Variants in SLCO1B3 observed in about 807,000 individuals in gnomAD.
The protein encoded by SLCO1B3 is solute carrier organic anion transporter family member 1B3.
A neutral mutation model predicts 71.8 loss-of-function variants in SLCO1B3; 72 were observed. That is an observed-to-expected ratio of 1.00 (90% CI 0.83 to 1.22). SLCO1B3 has a LOEUF of 1.22. Ranked by LOEUF, SLCO1B3 falls within the 50% of genes most tolerant of loss-of-function variation. The probability of loss-of-function intolerance (pLI) is 0.00; values close to 1 mark genes in which losing one functional copy is unlikely to be tolerated. For missense variants in SLCO1B3, 911 were observed against 819.7 expected, an observed-to-expected ratio of 1.11 and a Z score of -1.36; for synonymous variants, 298 against 278.4, an observed-to-expected ratio of 1.07 and a Z score of -0.70.
intron 15 of SLCO1B3, among the ~76,000 whole-genome samples, chr12:20,908,561 G>A (rs749191749): frequency 6.6e-6 from 1 of 152,126 alleles, no homozygotes; most frequent in Non-Finnish European, 1.5e-5. Context: ...GTAATCCCTG[G>A]ATCCCTAGAA....
At chr12:20,863,389 TA>T (rs1239985159) in intron 8 of SLCO1B3, among the ~76,000 whole-genome samples, 2 of 152,182 alleles carry the variant, frequency 1.3e-5, no homozygotes, top group Non-Finnish European at 2.9e-5. Flanking sequence ...GATGCATAAA[TA>T]AAATTTACGA....
intron 13 of SLCO1B3, among the ~76,000 whole-genome samples, chr12:20,891,748 A>G (rs1051405804): frequency 1.3e-5 from 2 of 151,990 alleles, no homozygotes; most frequent in Non-Finnish European, 2.9e-5. Flanking sequence ...TATTTTTCCT[A>G]CCAAGTTTAT....
chr12:20,916,523 C>T lies in SLCO1B3; in HGVS notation c.*276C>T, dbSNP rs537823550. On this transcript the variant is annotated 3_prime_UTR_variant, in exon 16 of 16. Transcript: ENST00000381545. ...TTGTAACTGCTAATAAAACCAGTGA[C>T]TAGAATATAAGGGAGGTAAAAAGGA... 4.2e-6 allele frequency: 1 copy of T among 240,188 alleles called. No homozygotes were observed. The highest frequency in any genetic ancestry group is 2.2e-5 in the African/African-American group (1 of 44,952). 14.9% of individuals were successfully genotyped at this position (240,188 alleles called of 1,614,324 possible). A position where few individuals can be genotyped will look rare whatever the true frequency, so the allele number is the denominator to read the frequency against.
intron 3 of SLCO1B3, among the ~76,000 whole-genome samples, chr12:20,839,766 A>G (rs900152736): frequency 3.3e-5 from 5 of 151,852 alleles, no homozygotes; most frequent in East Asian, 1.9e-4. Context: ...TTCATATTCT[A>G]TTTTTGGGGT....
rs754627543 is a variant in SLCO1B3, at chr12:20,862,417, G to A, written c.487G>A (p.Val163Ile). 3.7e-6 allele frequency: 6 copies of A among 1,609,736 alleles called. No homozygotes were observed. Among genetic ancestry groups the A allele is most frequent in the Non-Finnish European group, 4.2e-6 (5 of 1,178,594 alleles). ...ACACTCTCTTGTCTCGATAGATTGT[G>A]TAAAGGAATCTGGGTCACACATGTG... ...TSPEIVEKDC[V>I]KESGSHMWIY... Residue 163 changes from valine (V) to isoleucine (I), a missense_variant, in exon 7 of 16, where the codon GTA (valine) becomes ATA (isoleucine). Transcript: ENST00000381545.
chr12:20,852,526 A>G (rs962244909), intron 3 of SLCO1B3, among the ~76,000 whole-genome samples: 2 of 152,152 alleles, frequency 1.3e-5, no homozygotes, highest in African/African-American at 4.8e-5. Flanking sequence ...AAATCTGTAG[A>G]TGAGTTTGGA....
At chr12:20,819,343 C>T (rs527931888) in intron 3 of SLCO1B3, among the ~76,000 whole-genome samples, 29 of 152,204 alleles carry the variant, frequency 1.9e-4, no homozygotes, top group Middle Eastern at 3.4e-3. Context: ...ATGAAATTTG[C>T]GCTTGACTGA....
intron 8 of SLCO1B3, among the ~76,000 whole-genome samples, chr12:20,868,742 G>T (rs542307465): frequency 6.6e-6 from 1 of 152,028 alleles, no homozygotes; most frequent in African/African-American, 2.4e-5. Context: ...CCGAATGTCT[G>T]GCTGTGCTGT....
At chr12:20,861,833 A>C (rs1248752473) in intron 6 of SLCO1B3, among the ~76,000 whole-genome samples, 8 of 152,146 alleles carry the variant, frequency 5.3e-5, no homozygotes, top group Admixed American at 5.2e-4. Flanking sequence ...TACATATTAA[A>C]GAACAAAAAT....
intron 8 of SLCO1B3, among the ~76,000 whole-genome samples, chr12:20,867,139 A>T (rs755261547): frequency 1.3e-5 from 2 of 152,122 alleles, no homozygotes; most frequent in Non-Finnish European, 2.9e-5. Flanking sequence ...CCCAAACTCA[A>T]TGTCTCTAAT....
In SLCO1B3 at chr12:20,881,430, A is replaced by G. The variant is rs534697109; in HGVS notation, c.1497+410A>G. 2.6e-4 allele frequency among the ~76,000 whole-genome samples: 40 copies of G among 152,310 alleles called. No individual in the cohort carries two copies. The East Asian group carries it at 7.7e-3, about 29-fold the overall frequency. On this transcript the variant is annotated intron_variant, in intron 12 of 15. Transcript: ENST00000381545. ...GCCTGTTGTCAGCACTACCTGCTTT[A>G]CGAGAACAATAATCTATTTGCATTT...
chr12:20,887,349 A>T (rs896466250), intron 13 of SLCO1B3, among the ~76,000 whole-genome samples: 2 of 152,044 alleles, frequency 1.3e-5, no homozygotes, highest in African/African-American at 2.4e-5. Context: ...GTGTATAAAC[A>T]TTCATTTTTC....
intron 8 of SLCO1B3, among the ~76,000 whole-genome samples, chr12:20,870,200 G>A (rs1865451527): frequency 6.6e-6 from 1 of 152,034 alleles, no homozygotes; most frequent in Non-Finnish European, 1.5e-5. Flanking sequence ...TTGCTATGGA[G>A]TTGTAGGAAT....
At chr12:20,845,203 T>A (rs983483954) in intron 3 of SLCO1B3, 1 of 470,400 alleles carries the variant, frequency 2.1e-6, no homozygotes, top group Non-Finnish European at 4.3e-6. Context: ...GAGAAGCAGA[T>A]CTACACATAC....
chr12:20,848,817 C>T (rs1460310269), intron 3 of SLCO1B3, among the ~76,000 whole-genome samples: 1 of 151,804 alleles, frequency 6.6e-6, no homozygotes, highest in Non-Finnish European at 1.5e-5. Flanking sequence ...CAGTAGTTGC[C>T]AAGTGTTTGA....
intron 6 of SLCO1B3, 43 bp downstream of exon 6, chr12:20,861,181 G>T: frequency 3.4e-6 from 5 of 1,487,518 alleles, no homozygotes; most frequent in Non-Finnish European, 4.5e-6. Context: ...TAGATTGATA[G>T]ATTTAATCAC....
intron 3 of SLCO1B3, among the ~76,000 whole-genome samples, chr12:20,848,090 T>C (rs1322622082): frequency 6.6e-6 from 1 of 151,256 alleles, no homozygotes; most frequent in Admixed American, 6.7e-5. Flanking sequence ...GTGAATGATA[T>C]ATTTAATAAG....
chr12:20,838,359 T>C (rs1201767406), intron 3 of SLCO1B3, among the ~76,000 whole-genome samples: 2 of 152,024 alleles, frequency 1.3e-5, no homozygotes, highest in African/African-American at 4.8e-5. Flanking sequence ...TTAAAGTGGG[T>C]GTCATGCACA....
intron 13 of SLCO1B3, among the ~76,000 whole-genome samples, chr12:20,884,199 G>A (rs1865749067): frequency 6.6e-6 from 1 of 152,046 alleles, no homozygotes; most frequent in African/African-American, 2.4e-5. Context: ...AAACCAATAA[G>A]GTACTTGTTT....
Sources: gnomAD v4.1 joint callset for allele counts (sites outside exome capture counted in the v4.1 genomes callset) on GRCh38, gnomAD v4.1.1 for gene constraint, MANE v1.5 for transcripts, NCBI Gene and HGNC (gene_info 2026-07-23, HGNC 2026-07-21) for gene names.